Variants in SEC23IP observed in about 807,000 individuals in gnomAD.
The protein encoded by SEC23IP is SEC23-interacting protein.
Under a neutral mutation model 113.4 loss-of-function variants are expected in SEC23IP, and 70 were observed. That is an observed-to-expected ratio of 0.62 (90% CI 0.51 to 0.75). The LOEUF (loss-of-function observed/expected upper bound fraction) is 0.75. Among genes scored for constraint, SEC23IP ranks in the 30% least tolerant of loss-of-function variants. SEC23IP has a pLI of 0.00. For synonymous variants in SEC23IP, 398 were observed against 421.0 expected, an observed-to-expected ratio of 0.95 and a Z score of 0.67; for missense variants, 1,160 against 1,204.9, an observed-to-expected ratio of 0.96 and a Z score of 0.55.
intron 4 of SEC23IP, among the ~76,000 whole-genome samples, chr10:119,907,689 G>A (rs562352726): frequency 6.6e-6 from 1 of 152,154 alleles, no homozygotes; most frequent in African/African-American, 2.4e-5. Context: ...CGTAGCTCAC[G>A]CCTGTAATCC....
intron 11 of SEC23IP, among the ~76,000 whole-genome samples, chr10:119,920,259 A>G (rs1443661628): frequency 1.3e-5 from 2 of 152,212 alleles, no homozygotes; most frequent in South Asian, 4.1e-4. Flanking sequence ...AATATTTCCT[A>G]TAGAGAAATA....
chr10:119,914,528 C>T, intron 6 of SEC23IP: 1 of 525,666 alleles, frequency 1.9e-6, no homozygotes, highest in East Asian at 3.4e-5. Context: ...GCCTCCACCT[C>T]TTGTTCTAGT....
chr10:119,906,279 C>T (rs146601182), intron 4 of SEC23IP, among the ~76,000 whole-genome samples: 1 of 80,098 alleles, frequency 1.2e-5, no homozygotes, highest in Admixed American at 1.6e-4. Context: ...AAGACCTTGT[C>T]TCAGAAAAAA....
At position 119,943,831 on chromosome 10, in the gene SEC23IP, G is replaced by A. The variant is rs1203526540; in HGVS notation, c.*3266G>A. 6.6e-6 allele frequency: 1 copy of A among 152,248 alleles called. No individual in the cohort carries two copies. The highest frequency in any genetic ancestry group is 1.9e-4 in the East Asian group (1 of 5,192). 9.4% of individuals were successfully genotyped at this position (152,248 alleles called of 1,614,324 possible). ...GCCAGGGGTTATTGAGGACACATCT[G>A]TGAGATAGTGGGCAATGCTACATAT... On this transcript the variant is annotated 3_prime_UTR_variant, in exon 19 of 19. Transcript: ENST00000369075.
chr10:119,934,191 C>T lies in SEC23IP; in HGVS notation c.*20+404C>T, dbSNP rs77135160. ...TACCCAGAGTGCTTGCCTCTTCCCA[C>T]CTGAATGTTGGCTCTTGCTGCCTCA... On this transcript the variant is annotated intron_variant, in intron 18 of 18. Coordinates refer to ENST00000369075, the MANE Select transcript of SEC23IP (RefSeq NM_007190.4). 2.8e-3 allele frequency among the ~76,000 whole-genome samples: 428 copies of T among 152,326 alleles called. 3 individuals are homozygous for T. Among genetic ancestry groups the T allele is most frequent in the African/African-American group, 9.6e-3 (401 of 41,568 alleles).
intron 4 of SEC23IP, among the ~76,000 whole-genome samples, chr10:119,907,604 G>A (rs144638988): frequency 6.6e-6 from 1 of 152,084 alleles, no homozygotes; most frequent in Admixed American, 6.6e-5. Context: ...CACAGGTTCC[G>A]TATCTGCAGA....
At position 119,898,926 on chromosome 10, in the gene SEC23IP, G is replaced by C; in HGVS notation, c.663G>C (p.Gln221His). 1.3e-6 allele frequency: 2 copies of C among 1,596,336 alleles called. No individual in the cohort carries two copies. Among genetic ancestry groups the C allele is most frequent in the Non-Finnish European group, 1.7e-6 (2 of 1,177,412 alleles). ...CTCCACCTTCTGGACCCCCTGTTCA[G>C]ATGTACCAGATGCCTCCAGGATCTT... is the stretch of plus-strand genomic sequence containing the variant. ...AHPPPSGPPV[Q>H]MYQMPPGSLP... Residue 221 changes from glutamine (Q) to histidine (H), a missense_variant, in exon 2 of 19, where the codon CAG (glutamine) becomes CAC (histidine). Transcript: ENST00000369075.
intron 12 of SEC23IP, among the ~76,000 whole-genome samples, chr10:119,921,514 T>C (rs1207278066): frequency 6.6e-6 from 1 of 152,200 alleles, no homozygotes; most frequent in Non-Finnish European, 1.5e-5. Flanking sequence ...CCTTACAGGA[T>C]TGGAGTAAGC....
chr10:119,903,424 T>G (rs145235695), intron 3 of SEC23IP, among the ~76,000 whole-genome samples: 3 of 152,198 alleles, frequency 2.0e-5, no homozygotes, highest in Non-Finnish European at 4.4e-5. Context: ...TTGAGAGAGA[T>G]GGTGTGCAGG....
rs749066200 is a variant in SEC23IP at position 119,926,130 on chromosome 10, C to T, written c.2216C>T (p.Pro739Leu). 1.2e-5 allele frequency: 20 copies of T among 1,614,092 alleles called. No individual in the cohort carries two copies. The highest frequency in any genetic ancestry group is 1.7e-5 in the Non-Finnish European group (20 of 1,179,994). ...AQKTKDMASL[P>L]SESNEPKRKL... The stretch of plus-strand genomic sequence containing the variant: ...AAGACTAAAGACATGGCTTCCCTCC[C>T]CTCAGAATCCAATGAGCCAAAGAGG... Residue 739 changes from proline (P) to leucine (L), a missense_variant, in exon 13 of 19, where the codon CCC becomes CTC. Coordinates refer to ENST00000369075, the MANE Select transcript of SEC23IP (RefSeq NM_007190.4).
At position 119,942,315 on chromosome 10, in the gene SEC23IP, A is replaced by G. The variant is rs377010920; in HGVS notation, c.*1750A>G. 15 of 151,792 alleles carry G rather than the reference A, an allele frequency of 9.9e-5. No individual in the cohort carries two copies. Among genetic ancestry groups the G allele is most frequent in the African/African-American group, 2.7e-4 (11 of 41,444 alleles). 9.4% of individuals were successfully genotyped at this position (151,792 alleles called of 1,614,324 possible). ...TTTTTGAGTGACTCTGCCTGTGGAT[A>G]TATATACTCATACATACATATATAT... On this transcript the variant is annotated 3_prime_UTR_variant, in exon 19 of 19. Transcript: ENST00000369075.
chr10:119,939,477 A>G (rs1855895279), intron 18 of SEC23IP, among the ~76,000 whole-genome samples: 1 of 152,038 alleles, frequency 6.6e-6, no homozygotes, highest in Non-Finnish European at 1.5e-5. Context: ...GGAGTTCGAG[A>G]CCAGCCTGGC....
intron 12 of SEC23IP, among the ~76,000 whole-genome samples, chr10:119,923,007 A>AC (rs1201529790): frequency 1.3e-5 from 2 of 149,784 alleles, no homozygotes; most frequent in African/African-American, 2.4e-5. Flanking sequence ...GCCTATAAAA[A>AC]AAAAAACAAA....
intron 6 of SEC23IP, chr10:119,914,478 A>C: frequency 2.2e-6 from 1 of 457,046 alleles, no homozygotes; most frequent in South Asian, 2.2e-5. Flanking sequence ...CCTGCTGCTC[A>C]TCATGTGCTA....
chr10:119,914,564 A>G (rs112869591), intron 6 of SEC23IP, 166 bp from the exon 7 acceptor site: 1 of 598,260 alleles, frequency 1.7e-6, no homozygotes, highest in African/African-American at 1.9e-5. Flanking sequence ...AAGAGGGACA[A>G]ATTGTTCCTC....
In SEC23IP at chr10:119,892,889, C is replaced by T; in HGVS notation, c.107C>T (p.Pro36Leu). 1.2e-6 allele frequency: 2 copies of T among 1,613,730 alleles called. No homozygotes were observed. Among genetic ancestry groups the T allele is most frequent in the Non-Finnish European group, 8.5e-7 (1 of 1,179,824 alleles). The change falls in exon 1 of 19, where the codon CCC becomes CTC. Residue 36 changes from proline (P) to leucine (L), a missense_variant. Physicochemically the swap from Pro to Leu is moderately conservative, Grantham distance 98. Transcript: ENST00000369075. ...SSATEFSFNV[P>L]FIPVTQASAS... ...GCCACGGAGTTCAGCTTCAATGTGC[C>T]CTTCATCCCAGTCACCCAGGCCTCC...
chr10:119,921,866 T>G (rs1267957193), intron 12 of SEC23IP, among the ~76,000 whole-genome samples: 1 of 152,232 alleles, frequency 6.6e-6, no homozygotes, highest in African/African-American at 2.4e-5. Flanking sequence ...ATGGTTCTAT[T>G]ATTTTACTAC....
At chr10:119,905,152 A>G (rs1018888431) in intron 4 of SEC23IP, among the ~76,000 whole-genome samples, 1 of 152,060 alleles carries the variant, frequency 6.6e-6, no homozygotes, top group Non-Finnish European at 1.5e-5. Context: ...AAAAAAGTAT[A>G]TATTTGTATA....
chr10:119,903,866 G>A (rs1280486360), intron 3 of SEC23IP, among the ~76,000 whole-genome samples: 4 of 152,094 alleles, frequency 2.6e-5, no homozygotes, highest in Non-Finnish European at 4.4e-5. Flanking sequence ...GATTATAGGC[G>A]TGTGCCACCA....
Sources: gnomAD v4.1 joint callset for allele counts (sites outside exome capture counted in the v4.1 genomes callset) on GRCh38, gnomAD v4.1.1 for gene constraint, MANE v1.5 for transcripts, NCBI Gene and HGNC (gene_info 2026-07-23, HGNC 2026-07-21) for gene names.